The following SORCS2 variants were observed in gnomAD, a reference collection of about 807,000 sequenced individuals.
The protein encoded by SORCS2 is sortilin related VPS10 domain containing receptor 2.
A neutral mutation model predicts 141.6 loss-of-function variants in SORCS2; 100 were observed. That is an observed-to-expected ratio of 0.71 (90% CI 0.60 to 0.83). SORCS2 has a LOEUF of 0.83. SORCS2 is among the 40% of genes least tolerant of loss of function. The pLI, the probability that SORCS2 is intolerant of heterozygous loss-of-function variation, is 0.00. For synonymous variants in SORCS2, 789 were observed against 676.9 expected (o/e 1.17, Z -2.57); for missense variants, 1,646 against 1,560.2 (o/e 1.05, Z -0.93).
intron 1 of SORCS2, among the ~76,000 whole-genome samples, chr4:7,226,988 G>T (rs377541804): frequency 6.6e-6 from 1 of 152,222 alleles, no homozygotes; most frequent in Non-Finnish European, 1.5e-5. Flanking sequence ...TGGTGCCACC[G>T]CGGTAGCAGC....
chr4:7,681,749 C>T lies in SORCS2; in HGVS notation c.1342-994C>T, dbSNP rs551445657. On this transcript the variant is annotated intron_variant, in intron 9 of 26. Transcript: ENST00000507866. ...GTTGTGAGAATTCAGTGAGAGGACA[C>T]ATTTTAAGCTCAGTGCCTGTAACAT... Among the ~76,000 whole-genome samples the T allele has an allele frequency of 1.7e-3, 261 of 152,324 alleles. 1 individual carries two copies. Among genetic ancestry groups the T allele is most frequent in the African/African-American group, 5.9e-3 (245 of 41,566 alleles).
chr4:7,623,855 A>T (rs1252006591), intron 3 of SORCS2, among the ~76,000 whole-genome samples: 1 of 152,270 alleles, frequency 6.6e-6, no homozygotes, highest in African/African-American at 2.4e-5. Flanking sequence ...GCCCTGGTTC[A>T]TGCAGGTTCA....
chr4:7,688,226 C>T (rs77524846), intron 10 of SORCS2, among the ~76,000 whole-genome samples: 5,398 of 152,132 alleles, frequency 0.035, 127 homozygotes, highest in Middle Eastern at 0.048. Context: ...ACCGCAATGA[C>T]GAGGGGATTC....
At chr4:7,436,092 T>C (rs1727283660) in intron 2 of SORCS2, among the ~76,000 whole-genome samples, 1 of 152,032 alleles carries the variant, frequency 6.6e-6, no homozygotes. Context: ...AGACGGAAAA[T>C]AGGATTTGCT....
At chr4:7,693,227 C>T (rs1344538770) in intron 11 of SORCS2, among the ~76,000 whole-genome samples, 1 of 150,974 alleles carries the variant, frequency 6.6e-6, no homozygotes, top group Non-Finnish European at 1.5e-5. Flanking sequence ...ATCCTTTCTT[C>T]CTTTCAATAG....
chr4:7,569,001 A>T (rs1333893372), intron 3 of SORCS2, among the ~76,000 whole-genome samples: 2 of 152,172 alleles, frequency 1.3e-5, no homozygotes, highest in Admixed American at 6.5e-5. Context: ...GATCTGTGTC[A>T]ACTCCTGCCA....
At chr4:7,245,923 A>G (rs79330637) in intron 1 of SORCS2, among the ~76,000 whole-genome samples, 3,608 of 152,298 alleles carry the variant, frequency 0.024, 56 homozygotes, top group Non-Finnish European at 0.037. Context: ...TCAAGTGCTA[A>G]GAGTAAATGC....
At chr4:7,730,524 C>T (rs938993958) in intron 23 of SORCS2, among the ~76,000 whole-genome samples, 2 of 152,180 alleles carry the variant, frequency 1.3e-5, no homozygotes, top group Non-Finnish European at 2.9e-5. Flanking sequence ...AAATTGTGGT[C>T]CAACCTTACA....
chr4:7,691,624 C>T (rs544413623), intron 11 of SORCS2, among the ~76,000 whole-genome samples: 44 of 152,202 alleles, frequency 2.9e-4, no homozygotes, highest in African/African-American at 7.5e-4. Context: ...CAATGATCAA[C>T]GAAAATGTGA....
chr4:7,590,703 C>G (rs1304720136), intron 3 of SORCS2, among the ~76,000 whole-genome samples: 1 of 152,200 alleles, frequency 6.6e-6, no homozygotes, highest in Non-Finnish European at 1.5e-5. Context: ...GGTCCCATCC[C>G]TGCCCTGGGA....
At chr4:7,241,247 T>G (rs1304355442) in intron 1 of SORCS2, among the ~76,000 whole-genome samples, 1 of 152,128 alleles carries the variant, frequency 6.6e-6, no homozygotes, top group Non-Finnish European at 1.5e-5. Flanking sequence ...GGCCCCCATT[T>G]CCTGGGGGGC....
intron 1 of SORCS2, among the ~76,000 whole-genome samples, chr4:7,199,024 C>A (rs1267751495): frequency 6.6e-6 from 1 of 152,058 alleles, no homozygotes; most frequent in Non-Finnish European, 1.5e-5. Flanking sequence ...AGCCGGCAGG[C>A]CTTGTTTCCT....
intron 18 of SORCS2, among the ~76,000 whole-genome samples, chr4:7,723,037 C>T (rs1229293269): frequency 2.6e-5 from 4 of 152,062 alleles, no homozygotes; most frequent in African/African-American, 9.7e-5. Flanking sequence ...CACTCAATCC[C>T]CCACCTCTGC....
At chr4:7,705,694 C>T (rs1725385504) in intron 14 of SORCS2, among the ~76,000 whole-genome samples, 1 of 152,242 alleles carries the variant, frequency 6.6e-6, no homozygotes, top group South Asian at 2.1e-4. Flanking sequence ...GAAGTGCTGG[C>T]CTGGCTCATT....
At chr4:7,602,156 C>T (rs1318580381) in intron 3 of SORCS2, among the ~76,000 whole-genome samples, 1 of 152,274 alleles carries the variant, frequency 6.6e-6, no homozygotes, top group Non-Finnish European at 1.5e-5. Context: ...CCATCGTCAT[C>T]ATGGCCCGTT....
intron 4 of SORCS2, among the ~76,000 whole-genome samples, chr4:7,652,550 C>T (rs1721512804): frequency 6.6e-6 from 1 of 152,142 alleles, no homozygotes; most frequent in African/African-American, 2.4e-5. Context: ...CCTGAGTATC[C>T]CTGGCCCCAT....
chr4:7,433,332 G>A, intron 2 of SORCS2: 3 of 1,421,478 alleles, frequency 2.1e-6, no homozygotes, highest in East Asian at 2.6e-5. Flanking sequence ...GTTCCCCAGC[G>A]TGGAGGTGCA....
At chr4:7,688,781 G>A (rs1030773503) in intron 10 of SORCS2, among the ~76,000 whole-genome samples, 1 of 152,154 alleles carries the variant, frequency 6.6e-6, no homozygotes, top group African/African-American at 2.4e-5. Context: ...GGTTCAGTGG[G>A]GTCTCTCGTG....
intron 1 of SORCS2, among the ~76,000 whole-genome samples, chr4:7,235,342 TC>T (rs1712192343): frequency 2.6e-5 from 4 of 152,292 alleles, no homozygotes; most frequent in Middle Eastern, 6.8e-3. Flanking sequence ...TCTACCTTCA[TC>T]CCCACAGCAG....
Sources: gnomAD v4.1 joint callset for allele counts (sites outside exome capture counted in the v4.1 genomes callset) on GRCh38, gnomAD v4.1.1 for gene constraint, MANE v1.5 for transcripts, NCBI Gene and HGNC (gene_info 2026-07-23, HGNC 2026-07-21) for gene names.